FAM169A: variants seen among roughly 807,000 people sequenced by gnomAD.
FAM169A encodes family with sequence similarity 169 member A.
In FAM169A, 24 loss-of-function variants were observed where a neutral mutation model predicts 75.7. The observed-to-expected ratio is 0.32, with a 90% CI of 0.23 to 0.45. The LOEUF (loss-of-function observed/expected upper bound fraction) is 0.45, where lower values mean the gene tolerates loss of function less well. Among genes scored for constraint, FAM169A ranks in the 20% least tolerant of loss-of-function variants. FAM169A has a pLI of 1.00. For synonymous variants in FAM169A, 271 were observed against 271.0 expected (o/e 1.00, Z 0.00); for missense variants, 673 against 784.0 (o/e 0.86, Z 1.69).
rs375359690 is a variant in FAM169A at position 74,818,770 on chromosome 5, GCTCTCTCTCT to G, written c.491-4761_491-4752del. Among the ~76,000 whole-genome samples the G allele has an allele frequency of 8.9e-3, 1,193 of 134,290 alleles. 19 individuals carry two copies. The highest frequency in any genetic ancestry group is 0.032 in the African/African-American group (1,141 of 35,194). The allele number at this position is 134,290 out of a possible 152,430, so 88.1% of individuals were successfully genotyped here. A position where few individuals can be genotyped will look rare whatever the true frequency, so the allele number is the denominator to read the frequency against. On this transcript the variant is annotated intron_variant, in intron 5 of 12. Coordinates refer to ENST00000687041, the MANE Select transcript of FAM169A (RefSeq NM_001376049.1). The stretch of plus-strand genomic sequence containing the variant: ...TCTTGATTGTGGTGACGGTTTCACA[GCTCTCTCTCT>G]CTCTCTCTCTCTCTCTCTCTCTCTA...
chr5:74,852,704 A>G (rs1749505569), intron 1 of FAM169A, among the ~76,000 whole-genome samples: 1 of 152,048 alleles, frequency 6.6e-6, no homozygotes, highest in African/African-American at 2.4e-5. Context: ...TATAACGGCA[A>G]ATGGTGGTGG....
At chr5:74,841,812 G>C (rs1748881510) in intron 1 of FAM169A, 133 bp from the exon 2 acceptor site, 16 of 718,048 alleles carry the variant, frequency 2.2e-5, no homozygotes, top group Admixed American at 3.1e-5. Flanking sequence ...TTTGCCCGCA[G>C]AATACAACTT....
chr5:74,783,078 T>C lies in FAM169A; in HGVS notation c.1317A>G (p.Ser439=). 6.2e-7 allele frequency: 1 copy of C among 1,613,690 alleles called. No individual in the cohort carries two copies. Among genetic ancestry groups the C allele is most frequent in the Non-Finnish European group, 8.5e-7 (1 of 1,179,616 alleles). The change falls in exon 12 of 13, where the codon TCA becomes TCG. Residue 439 remains serine (S), a synonymous_variant. Transcript: ENST00000687041. ...GEIMDDSLKT[S]LITEEEDSTS... is the part of the protein sequence containing the mutation. ...TGGAGTCTTCCTCTTCTGTTATAAG[T>C]GAGGTCTTAAGAGAATCGTCCATTA...
chr5:74,851,170 G>A (rs1268437645), intron 1 of FAM169A, among the ~76,000 whole-genome samples: 2 of 152,210 alleles, frequency 1.3e-5, no homozygotes, highest in Non-Finnish European at 2.9e-5. Context: ...TAAGGTGAAG[G>A]AAGAAGAGAG....
At chr5:74,816,080 G>A (rs1273185011) in intron 5 of FAM169A, among the ~76,000 whole-genome samples, 3 of 152,048 alleles carry the variant, frequency 2.0e-5, no homozygotes, top group Admixed American at 2.0e-4. Flanking sequence ...ACCCTCTCTT[G>A]GACCCCTTTC....
At chr5:74,866,536 A>C, upstream of FAM169A, 3 of 556,322 alleles carry the variant, frequency 5.4e-6, no homozygotes, top group Non-Finnish European at 6.8e-6. Context: ...CCGGCCCGGC[A>C]GGTGCGGGCT....
At chr5:74,832,413 T>C (rs1461848483) in intron 5 of FAM169A, among the ~76,000 whole-genome samples, 2 of 151,898 alleles carry the variant, frequency 1.3e-5, no homozygotes, top group Admixed American at 1.3e-4. Flanking sequence ...CAAAGTCTCC[T>C]TTTTCTATCA....
At chr5:74,837,455 C>T (rs944608391) in intron 4 of FAM169A, among the ~76,000 whole-genome samples, 2 of 152,116 alleles carry the variant, frequency 1.3e-5, no homozygotes, top group Non-Finnish European at 2.9e-5. Flanking sequence ...AATGCAATAT[C>T]CAAAAGTTAC....
chr5:74,802,625 GT>G (rs1168243252), intron 8 of FAM169A, among the ~76,000 whole-genome samples: 3 of 151,996 alleles, frequency 2.0e-5, no homozygotes, highest in Non-Finnish European at 4.4e-5. Context: ...TTATGCTATA[GT>G]ATATTATATA....
intron 1 of FAM169A, among the ~76,000 whole-genome samples, chr5:74,862,515 C>G (rs17738645): frequency 0.085 from 12,948 of 152,272 alleles, 683 homozygotes; most frequent in Admixed American, 0.16. Flanking sequence ...CAGAGTCACT[C>G]AGACAGAATT....
At chr5:74,782,883 C>T in intron 12 of FAM169A, 48 bp downstream of exon 12, 1 of 1,446,534 alleles carries the variant, frequency 6.9e-7, no homozygotes, top group Non-Finnish European at 9.6e-7. Context: ...TCGCTAATGT[C>T]ACCAACATTG....
At chr5:74,858,166 T>G (rs1453484040) in intron 1 of FAM169A, among the ~76,000 whole-genome samples, 1 of 150,602 alleles carries the variant, frequency 6.6e-6, no homozygotes, top group Admixed American at 6.6e-5. Context: ...GGCAGGCAGG[T>G]CACGAGATCA....
At chr5:74,793,901 G>A (rs901244795) in intron 11 of FAM169A, among the ~76,000 whole-genome samples, 2 of 150,862 alleles carry the variant, frequency 1.3e-5, no homozygotes, top group African/African-American at 4.9e-5. Context: ...TACTCAGAAG[G>A]CTGAGGCAGG....
intron 6 of FAM169A, among the ~76,000 whole-genome samples, chr5:74,807,818 T>G (rs552095922): frequency 6.6e-6 from 1 of 152,188 alleles, no homozygotes; most frequent in African/African-American, 2.4e-5. Context: ...TATAAAAAGT[T>G]TAAAAACACA....
chr5:74,857,781 A>G (rs1223813750), intron 1 of FAM169A, among the ~76,000 whole-genome samples: 1 of 152,024 alleles, frequency 6.6e-6, no homozygotes, highest in East Asian at 1.9e-4. Flanking sequence ...GTCAAAGAAT[A>G]CTGTTAGTTA....
chr5:74,851,174 A>G (rs1479580599), intron 1 of FAM169A, among the ~76,000 whole-genome samples: 2 of 152,226 alleles, frequency 1.3e-5, no homozygotes, highest in African/African-American at 2.4e-5. Flanking sequence ...GTGAAGGAAG[A>G]AGAGAGAGGG....
At chr5:74,858,195 G>A (rs1208682217) in intron 1 of FAM169A, among the ~76,000 whole-genome samples, 1 of 151,874 alleles carries the variant, frequency 6.6e-6, no homozygotes, top group Non-Finnish European at 1.5e-5. Context: ...AGACCAGCCT[G>A]ACCAACATAG....
chr5:74,786,037 A>G (rs1309188265), intron 11 of FAM169A, among the ~76,000 whole-genome samples: 2 of 152,202 alleles, frequency 1.3e-5, no homozygotes, highest in Admixed American at 6.5e-5. Context: ...ATCAGCTGCC[A>G]GCATGGCCAG....
chr5:74,834,570 G>T lies in FAM169A; in HGVS notation c.346C>A (p.Leu116Met). The stretch of plus-strand genomic sequence containing the variant: ...TAAATAATTCGATTCAGAACATACA[G>T]AACCACTCTCTCCCCAAGAGTGCTC... ...QVSTLGERVV[L>M]YVLNRIIYRK... Residue 116 changes from leucine to methionine, a missense_variant, in exon 5 of 13, where the codon CTG (leucine) becomes ATG (methionine). Leu to Met is a conservative substitution (Grantham distance 15, BLOSUM62 2). Coordinates refer to ENST00000687041, the MANE Select transcript of FAM169A (RefSeq NM_001376049.1). The T allele has an allele frequency of 6.3e-7, 1 of 1,590,636 alleles. No individual in the cohort carries two copies. The highest frequency in any genetic ancestry group is 8.5e-7 in the Non-Finnish European group (1 of 1,170,914).
Sources: gnomAD v4.1 joint callset for allele counts (sites outside exome capture counted in the v4.1 genomes callset) on GRCh38, gnomAD v4.1.1 for gene constraint, MANE v1.5 for transcripts, NCBI Gene and HGNC (gene_info 2026-07-23, HGNC 2026-07-21) for gene names.